Variants in TRIO observed in about 807,000 individuals in gnomAD.
TRIO encodes the protein trio Rho guanine nucleotide exchange factor, also known as triple functional domain protein.
In TRIO, 58 loss-of-function variants were observed where a neutral mutation model predicts 351.9. The observed-to-expected ratio is 0.16, with a 90% CI of 0.13 to 0.21. The LOEUF is 0.21. TRIO is among the 10% of genes least tolerant of loss of function. The probability of loss-of-function intolerance (pLI) is 1.00; values close to 1 mark genes in which losing one functional copy is unlikely to be tolerated. For missense variants in TRIO, 3,201 were observed against 4,027.8 expected, an observed-to-expected ratio of 0.79 and a Z score of 5.56; for synonymous variants, 1,758 against 1,595.7, an observed-to-expected ratio of 1.10 and a Z score of -2.42.
chr5:14,480,717 TGACTC>T (rs1156289337), intron 43 of TRIO, among the ~76,000 whole-genome samples: 1 of 152,220 alleles, frequency 6.6e-6, no homozygotes, highest in African/African-American at 2.4e-5. Context: ...AGATCTGGTC[TGACTC>T]TGTGTACTGC....
At chr5:14,423,603 C>T (rs1167956579) in intron 34 of TRIO, among the ~76,000 whole-genome samples, 1 of 152,192 alleles carries the variant, frequency 6.6e-6, no homozygotes, top group Non-Finnish European at 1.5e-5. Flanking sequence ...ACACAATGGT[C>T]CCTGGGGATT....
At chr5:14,420,232 TCTC>T (rs1433773295) in intron 34 of TRIO, 5 of 676,448 alleles carry the variant, frequency 7.4e-6, no homozygotes, top group Non-Finnish European at 1.2e-5. Context: ...TAATGAGTGA[TCTC>T]CTCACTTCCA....
At chr5:14,479,897 T>C in intron 42 of TRIO, 22 bp from the exon 43 acceptor site, 14 of 1,612,630 alleles carry the variant, frequency 8.7e-6, no homozygotes, top group Non-Finnish European at 1.2e-5. Flanking sequence ...CATACGATCT[T>C]TTCTCTCTCT....
intron 37 of TRIO, among the ~76,000 whole-genome samples, chr5:14,466,987 C>T (rs1212136493): frequency 6.6e-5 from 10 of 152,180 alleles, no homozygotes; most frequent in African/African-American, 2.4e-4. Context: ...ATATACTTCC[C>T]ACAACAACCC....
intron 1 of TRIO, among the ~76,000 whole-genome samples, chr5:14,198,847 T>C (rs1790926532): frequency 6.6e-6 from 1 of 152,184 alleles, no homozygotes; most frequent in African/African-American, 2.4e-5. Context: ...TTTTAAAAAT[T>C]ATTCTGTCAA....
At chr5:14,505,685 A>C (rs892497887) in intron 55 of TRIO, among the ~76,000 whole-genome samples, 1 of 152,148 alleles carries the variant, frequency 6.6e-6, no homozygotes, top group Non-Finnish European at 1.5e-5. Flanking sequence ...ACAGCGTCCC[A>C]CATGGCCCCA....
chr5:14,358,764 C>T (rs969655504), intron 12 of TRIO, among the ~76,000 whole-genome samples: 2 of 152,138 alleles, frequency 1.3e-5, no homozygotes, highest in Non-Finnish European at 2.9e-5. Context: ...GGGGCGGACA[C>T]CCACCCCCAA....
chr5:14,215,921 G>A (rs905704216), intron 1 of TRIO, among the ~76,000 whole-genome samples: 5 of 152,150 alleles, frequency 3.3e-5, no homozygotes, highest in South Asian at 2.1e-4. Flanking sequence ...TTAAGAACTC[G>A]TGTTCTGGAA....
chr5:14,298,747 A>T (rs1737589890), intron 7 of TRIO, among the ~76,000 whole-genome samples: 1 of 152,240 alleles, frequency 6.6e-6, no homozygotes, highest in Non-Finnish European at 1.5e-5. Context: ...AGCACCATGT[A>T]AAAGCTGAGA....
At chr5:14,481,812 T>C (rs2126608301) in intron 45 of TRIO, 194 bp downstream of exon 45, 1 of 577,108 alleles carries the variant, frequency 1.7e-6, no homozygotes, top group East Asian at 3.1e-5. Flanking sequence ...TTGGTTTGCT[T>C]TTTTGGGACT....
intron 41 of TRIO, among the ~76,000 whole-genome samples, chr5:14,478,291 G>A (rs553942055): frequency 5.2e-4 from 79 of 152,306 alleles, no homozygotes; most frequent in Non-Finnish European, 9.9e-4. Flanking sequence ...AACCAGTTTT[G>A]TTTTGTTTTT....
At chr5:14,323,200 T>C (rs1740041058) in intron 9 of TRIO, among the ~76,000 whole-genome samples, 1 of 152,188 alleles carries the variant, frequency 6.6e-6, no homozygotes, top group Non-Finnish European at 1.5e-5. Context: ...TGTTGAATTC[T>C]GTGTCTGTTT....
At chr5:14,293,178 T>C in intron 6 of TRIO, 44 bp downstream of exon 6, 1 of 1,612,616 alleles carries the variant, frequency 6.2e-7, no homozygotes. Flanking sequence ...TGACAGTGTT[T>C]TAGCAAATGG....
At chr5:14,240,367 A>G (rs370549231) in intron 1 of TRIO, among the ~76,000 whole-genome samples, 2 of 152,356 alleles carry the variant, frequency 1.3e-5, no homozygotes, top group East Asian at 1.9e-4. Flanking sequence ...GGGGGTTCTC[A>G]GTGGTGAAAA....
At chr5:14,159,169 CT>C (rs1415666910) in intron 1 of TRIO, among the ~76,000 whole-genome samples, 2 of 152,172 alleles carry the variant, frequency 1.3e-5, no homozygotes, top group Non-Finnish European at 2.9e-5. Context: ...CCCACTCCCC[CT>C]CTCCCTTTTT....
chr5:14,211,793 T>C (rs1000420742), intron 1 of TRIO, among the ~76,000 whole-genome samples: 2 of 151,658 alleles, frequency 1.3e-5, no homozygotes, highest in African/African-American at 4.8e-5. Flanking sequence ...ATAAAAAGTA[T>C]AAAGAGAAAT....
intron 23 of TRIO, 194 bp downstream of exon 23, chr5:14,388,041 T>C: frequency 1.7e-6 from 1 of 574,492 alleles, no homozygotes; most frequent in Non-Finnish European, 3.1e-6. Flanking sequence ...AGAAACAGCA[T>C]CTAGTTTTTA....
At chr5:14,273,301 C>T (rs1034590064) in intron 2 of TRIO, among the ~76,000 whole-genome samples, 19 of 152,192 alleles carry the variant, frequency 1.2e-4, no homozygotes, top group African/African-American at 3.9e-4. Flanking sequence ...TCTCTAAAAA[C>T]CCAGTGATAA....
chr5:14,376,700 G>C (rs913251694), intron 19 of TRIO, among the ~76,000 whole-genome samples: 2 of 152,342 alleles, frequency 1.3e-5, no homozygotes, highest in South Asian at 2.1e-4. Flanking sequence ...CAGCGCTTCA[G>C]TGTTCCAACA....
Sources: gnomAD v4.1 joint callset for allele counts (sites outside exome capture counted in the v4.1 genomes callset) on GRCh38, gnomAD v4.1.1 for gene constraint, MANE v1.5 for transcripts, NCBI Gene and HGNC (gene_info 2026-07-23, HGNC 2026-07-21) for gene names.